CIB1: variants seen among roughly 807,000 people sequenced by gnomAD.
CIB1 encodes the protein calcium and integrin binding 1, also known as calcium and integrin-binding protein 1.
Under a neutral mutation model 25.0 loss-of-function variants are expected in CIB1, and 19 were observed. The ratio of observed to expected loss-of-function variants is 0.76; its 90% CI spans 0.53 to 1.12. CIB1 has a LOEUF of 1.12. CIB1 is among the 50% of genes most tolerant of loss of function. The pLI is 0.00. For synonymous variants in CIB1, 104 were observed against 98.5 expected (o/e 1.06, Z -0.33); for missense variants, 236 against 242.6 (o/e 0.97, Z 0.18).
At chr15:90,231,649 T>C in intron 3 of CIB1, 142 bp from the exon 4 acceptor site, 2 of 921,806 alleles carry the variant, frequency 2.2e-6, no homozygotes, top group Non-Finnish European at 3.2e-6. Context: ...GGGGCCAACA[T>C]GGAGGGCAGT....
At position 90,233,720 on chromosome 15, in the gene CIB1, G is replaced by A; in HGVS notation, c.52-17C>T. ...CGTCAAGTCCTGGAAGGCAAAGCCA[G>A]AGCGGGGATTAGCGGACCGCTGGGA... is the stretch of plus-strand genomic sequence containing the variant. On this transcript the variant is annotated splice_polypyrimidine_tract_variant and intron_variant, in intron 1 of 6. Transcript: ENST00000328649. 1 of 1,568,258 alleles carries A rather than the reference G, an allele frequency of 6.4e-7. No homozygotes were observed. Among genetic ancestry groups the A allele is most frequent in the Non-Finnish European group, 8.6e-7 (1 of 1,156,240 alleles).
chr15:90,247,494 G>C, the CIB1 span, among the ~76,000 whole-genome samples: 2 of 150,866 alleles, frequency 1.3e-5, no homozygotes, highest in Non-Finnish European at 2.9e-5. Flanking sequence ...TCTGTGAATC[G>C]GGCAGCCCAT....
At chr15:90,252,564 A>G in the CIB1 span, among the ~76,000 whole-genome samples, 1 of 152,198 alleles carries the variant, frequency 6.6e-6, no homozygotes, top group Non-Finnish European at 1.5e-5. Context: ...ATTAAGAAAA[A>G]AAACAATCTC....
the CIB1 span, chr15:90,265,196 T>G: frequency 7.4e-7 from 1 of 1,343,950 alleles, no homozygotes; most frequent in Non-Finnish European, 9.7e-7. Context: ...AGGCCAGCCA[T>G]GTACTCATTT....
the CIB1 span, among the ~76,000 whole-genome samples, chr15:90,239,690 T>C: frequency 6.6e-6 from 1 of 152,192 alleles, no homozygotes; most frequent in Non-Finnish European, 1.5e-5. Context: ...GGTGGAGACA[T>C]AGCCAAACCA....
chr15:90,256,543 CTTTTTCTT>C, the CIB1 span, among the ~76,000 whole-genome samples: 441 of 141,190 alleles, frequency 3.1e-3, 4 homozygotes, highest in African/African-American at 0.011. Flanking sequence ...TGTCTCCTTC[CTTTTTCTT>C]TCTTTCTTTC....
the CIB1 span, chr15:90,257,363 C>A: frequency 6.6e-7 from 1 of 1,510,210 alleles, no homozygotes. Context: ...AGAGGTTTGT[C>A]ACTGTCACCA....
chr15:90,245,097 T>A, the CIB1 span: 1 of 152,242 alleles, frequency 6.6e-6, no homozygotes, highest in Non-Finnish European at 1.5e-5. Flanking sequence ...AGTTTCCAGT[T>A]TTCATTAGAG....
intron 6 of CIB1, 100 bp from the exon 7 acceptor site, chr15:90,230,605 G>C: frequency 7.8e-7 from 1 of 1,282,002 alleles, no homozygotes. Flanking sequence ...TTTGGAACGG[G>C]CTATGTTCCG....
chr15:90,263,070 C>A, the CIB1 span: 15 of 1,536,000 alleles, frequency 9.8e-6, no homozygotes, highest in Non-Finnish European at 1.1e-5. Context: ...TCATCCGAAG[C>A]CTGGGTATTG....
the CIB1 span, among the ~76,000 whole-genome samples, chr15:90,240,539 A>G: frequency 6.7e-6 from 1 of 149,226 alleles, no homozygotes; most frequent in Non-Finnish European, 1.5e-5. Context: ...TAAGCTGTGC[A>G]TGTTGGTTCA....
At chr15:90,258,596 T>G in the CIB1 span, 2 of 683,798 alleles carry the variant, frequency 2.9e-6, no homozygotes, top group Admixed American at 5.2e-5. Flanking sequence ...ATGGCAGAGT[T>G]TTGTGGCCTT....
the CIB1 span, among the ~76,000 whole-genome samples, chr15:90,248,728 A>T: frequency 1.7e-5 from 1 of 60,476 alleles, no homozygotes; most frequent in Admixed American, 2.3e-4. Context: ...CAAAAAAAAA[A>T]AAAAAAAAAA....
chr15:90,234,086 G>C (rs920597755), upstream of CIB1: 7 of 501,898 alleles, frequency 1.4e-5, 1 homozygote, highest in East Asian at 2.1e-4. Context: ...AGCGGTCCTA[G>C]GCGAGCTGGA....
At chr15:90,240,361 A>T in the CIB1 span, among the ~76,000 whole-genome samples, 1 of 150,806 alleles carries the variant, frequency 6.6e-6, no homozygotes, top group Non-Finnish European at 1.5e-5. Flanking sequence ...TACAAAAATT[A>T]GCCGGGCCTG....
At chr15:90,241,569 G>A in the CIB1 span, 25 of 1,613,206 alleles carry the variant, frequency 1.5e-5, no homozygotes, top group Non-Finnish European at 1.8e-5. Flanking sequence ...CCACCTGCAT[G>A]GCTATTACCT....
chr15:90,254,503 A>AAAAAAAAT, the CIB1 span, among the ~76,000 whole-genome samples: 1 of 148,342 alleles, frequency 6.7e-6, no homozygotes, highest in African/African-American at 2.5e-5. Flanking sequence ...AAAAAAAAAA[A>AAAAAAAAT]AAAAAAAGGA....
the CIB1 span, chr15:90,256,402 C>A: frequency 7.2e-7 from 1 of 1,380,486 alleles, no homozygotes; most frequent in Non-Finnish European, 1.0e-6. Flanking sequence ...TTCTACCCTT[C>A]CCACTAGCCC....
At chr15:90,252,074 T>C in the CIB1 span, among the ~76,000 whole-genome samples, 1 of 138,872 alleles carries the variant, frequency 7.2e-6, no homozygotes, top group Non-Finnish European at 1.6e-5. Flanking sequence ...AGTTTTGCTC[T>C]TGTTGCCCAG....
Sources: gnomAD v4.1 joint callset for allele counts (sites outside exome capture counted in the v4.1 genomes callset) on GRCh38, gnomAD v4.1.1 for gene constraint, MANE v1.5 for transcripts, NCBI Gene and HGNC (gene_info 2026-07-23, HGNC 2026-07-21) for gene names.